MAF: variants seen among roughly 807,000 people sequenced by gnomAD.
MAF encodes the protein transcription factor Maf.
Under a neutral mutation model 22.0 loss-of-function variants are expected in MAF, and 10 were observed. That is an observed-to-expected ratio of 0.45 (90% CI 0.28 to 0.77). The LOEUF (loss-of-function observed/expected upper bound fraction) is 0.77, where lower values mean the gene tolerates loss of function less well. Among genes scored for constraint, MAF ranks in the 30% least tolerant of loss-of-function variants. The pLI is 0.12. For missense variants in MAF, 544 were observed against 548.4 expected (o/e 0.99, Z 0.08); for synonymous variants, 337 against 255.8 (o/e 1.32, Z -3.03).
chr16:79,597,030 A>G (rs1202269716), intron 1 of MAF: 8 of 1,055,854 alleles, frequency 7.6e-6, no homozygotes, highest in Non-Finnish European at 9.2e-6. Context: ...CCCTCTTAAT[A>G]CTTTGGTTTT....
At chr16:79,549,396 C>T in the MAF span, among the ~76,000 whole-genome samples, 44 of 152,348 alleles carry the variant, frequency 2.9e-4, no homozygotes, top group African/African-American at 1.0e-3. Context: ...CCCTGCAGCA[C>T]AGCCACTATC....
the MAF span, among the ~76,000 whole-genome samples, chr16:79,579,836 G>A: frequency 6.6e-6 from 1 of 152,104 alleles, no homozygotes; most frequent in Non-Finnish European, 1.5e-5. Flanking sequence ...GGAAGGAAAT[G>A]ATGCTGAAGA....
At chr16:79,596,013 A>C (rs1913500561) in intron 1 of MAF, 1 of 1,060,366 alleles carries the variant, frequency 9.4e-7, no homozygotes, top group South Asian at 4.6e-5. Flanking sequence ...CTCGGTGTGT[A>C]AGAGAAGAAG....
At chr16:79,543,676 C>CTT in the MAF span, among the ~76,000 whole-genome samples, 2 of 137,280 alleles carry the variant, frequency 1.5e-5, no homozygotes, top group South Asian at 2.3e-4. Context: ...TTTTCTTTTT[C>CTT]TTTTTTTTTT....
At chr16:79,566,528 C>G in the MAF span, among the ~76,000 whole-genome samples, 2 of 152,246 alleles carry the variant, frequency 1.3e-5, no homozygotes, top group Non-Finnish European at 2.9e-5. Context: ...AACCAACCAT[C>G]TCTGGAGGGT....
chr16:79,583,481 G>C (rs1398576121), downstream of MAF, among the ~76,000 whole-genome samples: 1 of 152,158 alleles, frequency 6.6e-6, no homozygotes, highest in Non-Finnish European at 1.5e-5. Context: ...AGGTAAGTAA[G>C]TGTCCCACCT....
At chr16:79,553,071 A>G in the MAF span, among the ~76,000 whole-genome samples, 1 of 152,224 alleles carries the variant, frequency 6.6e-6, no homozygotes, top group Non-Finnish European at 1.5e-5. Context: ...CCTCACCTGC[A>G]AAATGGGTTA....
the MAF span, among the ~76,000 whole-genome samples, chr16:79,261,159 T>C: frequency 2.0e-3 from 298 of 152,156 alleles, 2 homozygotes; most frequent in Middle Eastern, 0.014. Flanking sequence ...TTTATTTATT[T>C]ATTTATTTAT....
chr16:79,573,473 C>G, the MAF span, among the ~76,000 whole-genome samples: 1 of 152,206 alleles, frequency 6.6e-6, no homozygotes, highest in East Asian at 1.9e-4. Context: ...ATTCCCCGCC[C>G]TTTCTTCCCC....
chr16:79,540,578 G>A, the MAF span, among the ~76,000 whole-genome samples: 1 of 152,152 alleles, frequency 6.6e-6, no homozygotes, highest in African/African-American at 2.4e-5. Flanking sequence ...AATGCTCATT[G>A]GCATGGTCAA....
At chr16:79,504,598 G>C in the MAF span, among the ~76,000 whole-genome samples, 1 of 152,072 alleles carries the variant, frequency 6.6e-6, no homozygotes, top group Admixed American at 6.6e-5. Context: ...TGGATGGATG[G>C]ATAAATGGAT....
At chr16:79,542,680 G>A in the MAF span, among the ~76,000 whole-genome samples, 3 of 152,202 alleles carry the variant, frequency 2.0e-5, no homozygotes, top group African/African-American at 7.2e-5. Flanking sequence ...ACTTTCTGGG[G>A]CTCGTGCACT....
At chr16:79,475,278 T>A in the MAF span, among the ~76,000 whole-genome samples, 2,879 of 151,082 alleles carry the variant, frequency 0.019, 111 homozygotes, top group African/African-American at 0.065. Context: ...TAAGAAAAAA[T>A]ATATATATTA....
chr16:79,531,952 G>C, the MAF span, among the ~76,000 whole-genome samples: 30 of 152,108 alleles, frequency 2.0e-4, no homozygotes, highest in African/African-American at 7.0e-4. Context: ...ATGGTCTGGG[G>C]ACCGTGGGAA....
chr16:79,263,161 T>A, the MAF span, among the ~76,000 whole-genome samples: 3 of 152,188 alleles, frequency 2.0e-5, no homozygotes, highest in East Asian at 1.9e-4. Context: ...CGGCCTCTCA[T>A]TGAACTTATA....
At chr16:79,464,322 G>T in the MAF span, among the ~76,000 whole-genome samples, 1 of 152,140 alleles carries the variant, frequency 6.6e-6, no homozygotes, top group Non-Finnish European at 1.5e-5. Context: ...TGAGAGGACC[G>T]AGGGAGTAGG....
At chr16:79,435,214 G>A in the MAF span, among the ~76,000 whole-genome samples, 1 of 151,550 alleles carries the variant, frequency 6.6e-6, no homozygotes, top group Middle Eastern at 3.2e-3. Context: ...ACACATATAT[G>A]TACACACACA....
chr16:79,352,752 T>C, the MAF span, among the ~76,000 whole-genome samples: 2 of 152,090 alleles, frequency 1.3e-5, no homozygotes, highest in African/African-American at 4.8e-5. Flanking sequence ...TAATCCTTTG[T>C]GGTAGGGGAA....
the MAF span, among the ~76,000 whole-genome samples, chr16:79,417,949 A>C: frequency 1.3e-5 from 2 of 152,082 alleles, no homozygotes; most frequent in African/African-American, 4.8e-5. Flanking sequence ...TTCACCCCGG[A>C]GAGTTTCCCC....
Sources: gnomAD v4.1 joint callset for allele counts (sites outside exome capture counted in the v4.1 genomes callset) on GRCh38, gnomAD v4.1.1 for gene constraint, MANE v1.5 for transcripts, NCBI Gene and HGNC (gene_info 2026-07-23, HGNC 2026-07-21) for gene names.